Variants in POPDC1 observed in about 807,000 individuals in gnomAD.
The protein encoded by POPDC1 is popeye domain cAMP effector 1, also known as popeye domain-containing protein 1.
At chr6:105,116,013 T>TA in the POPDC1 span, among the ~76,000 whole-genome samples, 69 of 152,200 alleles carry the variant, frequency 4.5e-4, no homozygotes, top group African/African-American at 1.6e-3. Flanking sequence ...AAATATATTA[T>TA]ACAAAATCAA....
At chr6:105,109,421 G>A in the POPDC1 span, among the ~76,000 whole-genome samples, 8 of 151,984 alleles carry the variant, frequency 5.3e-5, no homozygotes, top group South Asian at 2.1e-4. Flanking sequence ...ATCTACGTAG[G>A]TCAGTAGATA....
the POPDC1 span, among the ~76,000 whole-genome samples, chr6:105,123,271 GA>G: frequency 3.3e-5 from 5 of 152,126 alleles, no homozygotes; most frequent in Non-Finnish European, 7.3e-5. Flanking sequence ...GAGACTAAAG[GA>G]AACTCTCACC....
At chr6:105,097,605 T>G in the POPDC1 span, 3 of 152,334 alleles carry the variant, frequency 2.0e-5, no homozygotes, top group East Asian at 5.8e-4. Context: ...CCAAAGATTT[T>G]TCCAGCAACC....
the POPDC1 span, among the ~76,000 whole-genome samples, chr6:105,127,348 A>G: frequency 6.6e-6 from 1 of 152,224 alleles, no homozygotes; most frequent in African/African-American, 2.4e-5. Context: ...GACATTCAGA[A>G]AATGCAATCA....
the POPDC1 span, chr6:105,099,542 C>G: frequency 6.6e-6 from 1 of 152,204 alleles, no homozygotes; most frequent in Non-Finnish European, 1.5e-5. Context: ...ACGGAGCGTC[C>G]TGGCCAAGTG....
the POPDC1 span, among the ~76,000 whole-genome samples, chr6:105,119,725 G>A: frequency 6.6e-6 from 1 of 152,196 alleles, no homozygotes; most frequent in Admixed American, 6.5e-5. Flanking sequence ...ATGAGATGAA[G>A]AAATTATATT....
chr6:105,125,305 AACAT>A, the POPDC1 span: 1 of 1,455,778 alleles, frequency 6.9e-7, no homozygotes, highest in Non-Finnish European at 9.5e-7. Flanking sequence ...ATTCATTGGC[AACAT>A]TTCCTCCCAT....
the POPDC1 span, among the ~76,000 whole-genome samples, chr6:105,121,059 G>C: frequency 6.6e-6 from 1 of 152,006 alleles, no homozygotes; most frequent in Non-Finnish European, 1.5e-5. Flanking sequence ...TTTTACAAGA[G>C]CATGGACATA....
At chr6:105,131,045 C>G in the POPDC1 span, among the ~76,000 whole-genome samples, 1 of 152,006 alleles carries the variant, frequency 6.6e-6, no homozygotes, top group African/African-American at 2.4e-5. Context: ...TAAAATATCC[C>G]CAGTTTCTTT....
At chr6:105,124,828 C>A in the POPDC1 span, among the ~76,000 whole-genome samples, 1 of 152,014 alleles carries the variant, frequency 6.6e-6, no homozygotes, top group Admixed American at 6.6e-5. Flanking sequence ...CAAAAAATAA[C>A]GTTAGAAAAA....
the POPDC1 span, chr6:105,101,031 AT>A: frequency 6.5e-7 from 1 of 1,529,664 alleles, no homozygotes. Context: ...AAGTGCTGGT[AT>A]TTTTCAGGAT....
chr6:105,133,457 G>A, the POPDC1 span: 1 of 1,613,896 alleles, frequency 6.2e-7, no homozygotes. Flanking sequence ...ACCAGATGAT[G>A]TATCTCTCTC....
chr6:105,135,077 T>C, the POPDC1 span, among the ~76,000 whole-genome samples: 39 of 152,190 alleles, frequency 2.6e-4, no homozygotes, highest in Non-Finnish European at 5.6e-4. Flanking sequence ...TAGCATTACA[T>C]AGGTTAATAA....
At chr6:105,110,790 C>A in the POPDC1 span, among the ~76,000 whole-genome samples, 1 of 152,076 alleles carries the variant, frequency 6.6e-6, no homozygotes, top group African/African-American at 2.4e-5. Context: ...CTAAAGTGGT[C>A]CTCTTAGCTC....
the POPDC1 span, chr6:105,129,476 G>A: frequency 6.2e-7 from 1 of 1,612,506 alleles, no homozygotes; most frequent in South Asian, 1.1e-5. Context: ...TCGGTAGAGA[G>A]TGGCCCAGAC....
chr6:105,117,046 T>C, the POPDC1 span, among the ~76,000 whole-genome samples: 2 of 152,340 alleles, frequency 1.3e-5, no homozygotes, highest in South Asian at 4.1e-4. Flanking sequence ...ATTATGTTTT[T>C]TAAAAAAGCA....
At chr6:105,112,330 C>T in the POPDC1 span, among the ~76,000 whole-genome samples, 2 of 152,046 alleles carry the variant, frequency 1.3e-5, no homozygotes, top group Non-Finnish European at 2.9e-5. Flanking sequence ...CTGTTCAGAT[C>T]GTGATTCGAA....
the POPDC1 span, chr6:105,116,842 G>A: frequency 1.2e-6 from 2 of 1,612,232 alleles, no homozygotes; most frequent in Non-Finnish European, 1.7e-6. Flanking sequence ...ATAAAAATCT[G>A]CAGTTATCAT....
At chr6:105,129,537 C>G in the POPDC1 span, 7 of 1,585,204 alleles carry the variant, frequency 4.4e-6, no homozygotes, top group South Asian at 1.2e-5. Flanking sequence ...GTTAGATAAT[C>G]TAGAAGAGCC....
Sources: allele counts gnomAD v4.1 joint callset (sites outside exome capture counted in the v4.1 genomes callset), GRCh38; gene constraint gnomAD v4.1.1; transcripts MANE v1.5; gene names NCBI Gene and HGNC (gene_info 2026-07-23, HGNC 2026-07-21).